The following SLC3A2 variants were observed in gnomAD, a reference collection of about 807,000 sequenced individuals.
SLC3A2 encodes amino acid transporter heavy chain SLC3A2.
SLC3A2 carries 32 observed loss-of-function variants against 48.5 expected under a neutral mutation model. That is an observed-to-expected ratio of 0.66 (90% CI 0.50 to 0.89). The LOEUF is 0.89. Ranked by LOEUF, SLC3A2 falls within the 40% of genes least tolerant of loss-of-function variation. The probability of loss-of-function intolerance (pLI) is 0.00; values close to 1 mark genes in which losing one functional copy is unlikely to be tolerated. For missense variants in SLC3A2, 587 were observed against 680.7 expected (o/e 0.86, Z 1.53); for synonymous variants, 277 against 288.8 (o/e 0.96, Z 0.41).
chr11:62,888,176 C>T lies in SLC3A2; in HGVS notation c.1185C>T (p.Phe395=), dbSNP rs376887711. The T allele has an allele frequency of 1.7e-5, 28 of 1,613,938 alleles. No homozygotes were observed. Among genetic ancestry groups the T allele is most frequent in the Non-Finnish European group, 2.3e-5 (27 of 1,180,032 alleles). Residue 395 remains phenylalanine, a synonymous_variant, in exon 8 of 9, where the codon TTC becomes TTT. Coordinates refer to ENST00000338663, the MANE Select transcript of SLC3A2 (RefSeq NM_001013251.3). ...TCATGCTGTGGGATGAGTCCAGCTT[C>T]CCTGACATCCCAGGGGCTGTAAGTG... The part of the protein sequence containing the change: ...APVMLWDESS[F]PDIPGAVSAN...
intron 1 of SLC3A2, among the ~76,000 whole-genome samples, chr11:62,873,835 C>T (rs2085542822): frequency 6.6e-6 from 1 of 150,860 alleles, no homozygotes; most frequent in Non-Finnish European, 1.5e-5. Flanking sequence ...CCAGTTCTAG[C>T]TCTGTTGCCC....
chr11:62,867,077 G>C (rs925221204), intron 1 of SLC3A2, among the ~76,000 whole-genome samples: 1 of 151,592 alleles, frequency 6.6e-6, no homozygotes, highest in Admixed American at 6.6e-5. Context: ...CGCAACCTCC[G>C]CCTCCCAGGT....
At chr11:62,876,489 A>G (rs182225616), upstream of SLC3A2, among the ~76,000 whole-genome samples, 2 of 152,242 alleles carry the variant, frequency 1.3e-5, no homozygotes, top group African/African-American at 4.8e-5. Flanking sequence ...ATCAACACAT[A>G]TGGCAGGATC....
At position 62,884,518 on chromosome 11, in the gene SLC3A2, A is replaced by G. The variant is rs139918972; in HGVS notation, c.752A>G (p.Asn251Ser). The G allele has an allele frequency of 1.3e-4, 203 of 1,614,076 alleles. No individual in the cohort carries two copies. The highest frequency in any genetic ancestry group is 1.7e-4 in the Non-Finnish European group (198 of 1,180,048). Reference sequence around the variant, plus strand: ...GGGTTCCAGGTTCGGGACATAGAGAATCTGAAGGTGAGTTCCCTTTCCACA... The same window carrying G: ...GGGTTCCAGGTTCGGGACATAGAGAGTCTGAAGGTGAGTTCCCTTTCCACA... ...VDGFQVRDIE[N>S]LKDASSFLAE... is the part of the protein sequence containing the mutation. Residue 251 changes from asparagine to serine, a missense_variant, in exon 4 of 9, where the codon AAT becomes AGT. Asn to Ser is a conservative substitution (Grantham distance 46). Coordinates refer to ENST00000338663, the MANE Select transcript of SLC3A2 (RefSeq NM_001013251.3).
Position 62,885,621 on chromosome 11 carries a change from G to C in SLC3A2, c.1143+13G>C, listed in dbSNP as rs749921849. ...CCTTCCTGGACAGGTACTGCTTGCT[G>C]TCTTTCTGTCACAGGGAGGTTGTTT... On this transcript the variant is annotated intron_variant, in intron 7 of 8. Coordinates refer to ENST00000338663, the MANE Select transcript of SLC3A2 (RefSeq NM_001013251.3). 2 of 1,613,810 alleles carry C rather than the reference G, an allele frequency of 1.2e-6. No individual in the cohort carries two copies. The highest frequency in any genetic ancestry group is 1.6e-4 in the Middle Eastern group (1 of 6,062).
Position 62,888,140 on chromosome 11 carries a change from G to A in SLC3A2, c.1149G>A (p.Met383Ile), listed in dbSNP as rs889529570. 1.2e-5 allele frequency: 20 copies of A among 1,613,360 alleles called. No individual in the cohort carries two copies. Among genetic ancestry groups the A allele is most frequent in the Non-Finnish European group, 1.6e-5 (19 of 1,179,862 alleles). The change falls in exon 8 of 9, where the codon ATG becomes ATA. Residue 383 changes from methionine (M) to isoleucine (I), a missense_variant. Physicochemically the swap from Met to Ile is conservative, Grantham distance 10 (BLOSUM62 1). Around this residue, in one of 3 missense-constraint regions of SLC3A2, gnomAD observed 169 missense variants for 204.4 expected, o/e 0.83. Transcript: ENST00000338663. ...CTATTTTCTCTGCTTTTCAGCCTAT[G>A]GAGGCTCCAGTCATGCTGTGGGATG... ...LDAAALPGQPMEAPVMLWDES... is the reference protein window; with the variant it reads ...LDAAALPGQPIEAPVMLWDES...
rs1565258530 is a variant in SLC3A2, at chr11:62,888,699, G to C, written c.*6G>C. The C allele has an allele frequency of 3.2e-6, 5 of 1,583,824 alleles. No homozygotes were observed. The highest frequency in any genetic ancestry group is 4.3e-6 in the Non-Finnish European group (5 of 1,169,316). On this transcript the variant is annotated 3_prime_UTR_variant, in exon 9 of 9. Transcript: ENST00000338663. Reference sequence around the variant, plus strand: ...GCTTCCCCTACGCGGCCTGACTTCAGCCTGACATGGACCCACTACCCTTCT... The same window carrying C: ...GCTTCCCCTACGCGGCCTGACTTCACCCTGACATGGACCCACTACCCTTCT...
chr11:62,888,280 G>A, intron 8 of SLC3A2, 51 bp from the exon 9 acceptor site: 1 of 1,609,530 alleles, frequency 6.2e-7, no homozygotes. Context: ...GTAGAAGTCT[G>A]TACCCAGGGG....
At chr11:62,882,420 G>C (rs893686310) in intron 2 of SLC3A2, 1 of 266,452 alleles carries the variant, frequency 3.8e-6, no homozygotes, top group Non-Finnish European at 7.3e-6. Context: ...TGTTTAAAAA[G>C]GTTCACTTTG....
intron 1 of SLC3A2, among the ~76,000 whole-genome samples, chr11:62,875,217 A>G (rs1302729554): frequency 1.3e-5 from 2 of 152,288 alleles, no homozygotes; most frequent in East Asian, 3.9e-4. Flanking sequence ...AAGAGTTTCT[A>G]GCTGTCCTCC....
intron 7 of SLC3A2, 47 bp from the exon 8 acceptor site, chr11:62,888,088 T>C (rs771338430): frequency 6.5e-7 from 1 of 1,542,016 alleles, no homozygotes; most frequent in South Asian, 1.1e-5. Flanking sequence ...TGAGCCACCA[T>C]GCCTGACCCC....
At chr11:62,885,154 G>A in intron 5 of SLC3A2, 23 bp from the exon 6 acceptor site, 1 of 1,612,146 alleles carries the variant, frequency 6.2e-7, no homozygotes, top group South Asian at 1.1e-5. Context: ...TGCTAACCTT[G>A]AACTCCTCCC....
rs376156650 is a variant in SLC3A2, at chr11:62,861,640, G to A, written c.112+5259G>A. Among the ~76,000 whole-genome samples, 60 of 152,236 alleles carry A rather than the reference G, an allele frequency of 3.9e-4. 1 individual carries two copies. In the South Asian group the frequency reaches 0.012, roughly 32 times the overall value. ...ACGAATAAAAACTCTGGTCGGTCGG[G>A]CACAGTGGCTCATGCCTGTAATTCC... On this transcript the variant is annotated intron_variant, in intron 1 of 9. Transcript: ENST00000377889.
At chr11:62,864,384 G>C (rs572416298) in intron 1 of SLC3A2, among the ~76,000 whole-genome samples, 1 of 151,896 alleles carries the variant, frequency 6.6e-6, no homozygotes, top group East Asian at 1.9e-4. Context: ...CACCTTCCGA[G>C]TTCAAGCAAT....
In SLC3A2 at chr11:62,888,505, T is replaced by G; in HGVS notation, c.1402T>G (p.Phe468Val). The G allele has an allele frequency of 6.2e-7, 1 of 1,614,190 alleles. No homozygotes were observed. The highest frequency in any genetic ancestry group is 8.5e-7 in the Non-Finnish European group (1 of 1,180,040). The change falls in exon 9 of 9, where the codon TTT becomes GTT. Residue 468 changes from phenylalanine to valine, a missense_variant. Phe to Val is a conservative substitution (Grantham distance 50). Transcript: ENST00000338663. ...TGAGCGTTTTCTGGTAGTGCTTAAC[T>G]TTGGGGATGTGGGCCTCTCGGCTGG... is the stretch of plus-strand genomic sequence containing the variant. ...QNERFLVVLNFGDVGLSAGLQ... is the reference protein window; with the variant it reads ...QNERFLVVLNVGDVGLSAGLQ...
chr11:62,881,256 T>TACGCACCCGCTGGGC lies in SLC3A2; in HGVS notation c.236_250dup (p.Arg79_Ala83dup). On this transcript the variant is annotated inframe_insertion, in exon 1 of 9. Coordinates refer to ENST00000338663, the MANE Select transcript of SLC3A2 (RefSeq NM_001013251.3). This position sits in a 1 kb window ranked among gnomAD's most constrained non-coding sequence, Gnocchi z 4.0. ...AAGGTGGCAGGCAGCCCCGGCTGGG[T>TACGCACCCGCTGGGC]ACGCACCCGCTGGGCACTGCTGCTG... 6.3e-7 allele frequency: 1 copy of TACGCACCCGCTGGGC among 1,584,628 alleles called. No homozygotes were observed. The highest frequency in any genetic ancestry group is 8.6e-7 in the Non-Finnish European group (1 of 1,166,884).
At position 62,888,355 on chromosome 11, in the gene SLC3A2, C is replaced by T; in HGVS notation, c.1252C>T (p.Leu418Phe). 6.2e-7 allele frequency: 1 copy of T among 1,614,168 alleles called. No individual in the cohort carries two copies. The highest frequency in any genetic ancestry group is 1.1e-5 in the South Asian group (1 of 91,080). Reference protein sequence around the residue: ...VKGQSEDPGSLLSLFRRLSDQ... With the variant: ...VKGQSEDPGSFLSLFRRLSDQ... ...GGGCCAGAGTGAAGACCCTGGCTCC[C>T]TCCTTTCCTTGTTCCGGCGGCTGAG... Residue 418 changes from leucine (L) to phenylalanine (F), a missense_variant, in exon 9 of 9, where the codon CTC becomes TTC. Leu to Phe is a conservative substitution (Grantham distance 22, BLOSUM62 0). Transcript: ENST00000338663.
chr11:62,874,129 A>C (rs1418506062), intron 1 of SLC3A2, among the ~76,000 whole-genome samples: 1 of 151,602 alleles, frequency 6.6e-6, no homozygotes, highest in Non-Finnish European at 1.5e-5. Flanking sequence ...GTGATGACAA[A>C]GTTTTGGAGG....
At chr11:62,863,665 T>A (rs2085424278) in intron 1 of SLC3A2, among the ~76,000 whole-genome samples, 1 of 152,238 alleles carries the variant, frequency 6.6e-6, no homozygotes, top group Admixed American at 6.5e-5. Context: ...TCATCATGAA[T>A]ATACCATTTC....
Sources: allele counts gnomAD v4.1 joint callset (sites outside exome capture counted in the v4.1 genomes callset), GRCh38; gene constraint gnomAD v4.1.1; regional missense constraint gnomAD v4.1.1; non-coding constraint Gnocchi (gnomAD v3.1); transcripts MANE v1.5; gene names NCBI Gene and HGNC (gene_info 2026-07-23, HGNC 2026-07-21).